The following NLRP14 variants were observed in gnomAD, a reference collection of about 807,000 sequenced individuals.
NLRP14 encodes the protein NLR family pyrin domain containing 14, also known as NACHT, LRR and PYD domains-containing protein 14.
Under a neutral mutation model 94.7 loss-of-function variants are expected in NLRP14, and 105 were observed. The ratio of observed to expected loss-of-function variants is 1.11; its 90% confidence interval spans 0.95 to 1.30. The LOEUF is 1.30. NLRP14 is among the 50% of genes most tolerant of loss of function. The pLI is 0.00. For synonymous variants in NLRP14, 508 were observed against 459.9 expected (o/e 1.10, Z -1.34); for missense variants, 1,362 against 1,254.1 (o/e 1.09, Z -1.30).
At chr11:7,090,030 G>A in the NLRP14 span, 1 of 1,613,060 alleles carries the variant, frequency 6.2e-7, no homozygotes, top group Non-Finnish European at 8.5e-7. Flanking sequence ...ATCTTACGGA[G>A]GAGGAGGCCG....
chr11:7,079,855 C>T, the NLRP14 span, among the ~76,000 whole-genome samples: 1 of 152,186 alleles, frequency 6.6e-6, no homozygotes, highest in African/African-American at 2.4e-5. Context: ...ACAATCTAAG[C>T]TGAACCCGAT....
chr11:7,046,953 A>G, intron 5 of NLRP14, 121 bp downstream of exon 5: 2 of 799,302 alleles, frequency 2.5e-6, no homozygotes, highest in South Asian at 2.8e-5. Context: ...ATTTTGTAAA[A>G]TAAACAGGAA....
chr11:7,086,310 A>G, the NLRP14 span, among the ~76,000 whole-genome samples: 5 of 152,274 alleles, frequency 3.3e-5, no homozygotes, highest in Non-Finnish European at 7.4e-5. Context: ...TCCGAGATTG[A>G]GCTAGTAATT....
chr11:7,071,753 G>T (rs902737), downstream of NLRP14, among the ~76,000 whole-genome samples: 4 of 149,922 alleles, frequency 2.7e-5, no homozygotes, highest in African/African-American at 9.8e-5. Flanking sequence ...TTGGGTATCC[G>T]TCTTAAAATG....
At chr11:7,030,824 C>T (rs374987802) in intron 1 of NLRP14, among the ~76,000 whole-genome samples, 1 of 152,168 alleles carries the variant, frequency 6.6e-6, no homozygotes, top group Non-Finnish European at 1.5e-5. Flanking sequence ...TTCAATTCCC[C>T]GACTTCCTCT....
At chr11:7,089,402 G>A in the NLRP14 span, 2 of 1,589,558 alleles carry the variant, frequency 1.3e-6, no homozygotes, top group Non-Finnish European at 1.7e-6. Context: ...GCAGCCGGCG[G>A]GGCCCGCCGC....
intron 10 of NLRP14, among the ~76,000 whole-genome samples, 160 bp from the exon 11 acceptor site, chr11:7,070,126 A>T (rs10769762): frequency 3.9e-5 from 6 of 152,092 alleles, no homozygotes; most frequent in African/African-American, 1.4e-4. Flanking sequence ...TCTGGTAATA[A>T]TGAATATTAT....
chr11:7,089,510 C>T, the NLRP14 span: 8 of 1,225,122 alleles, frequency 6.5e-6, no homozygotes, highest in Non-Finnish European at 7.1e-6. Flanking sequence ...CCGATGATGA[C>T]GGCGGCTACA....
At position 7,035,235 on chromosome 11, in the gene NLRP14, C is replaced by T. The variant is rs192210872; in HGVS notation, c.-21-3331C>T. On this transcript the variant is annotated intron_variant, in intron 1 of 11. Transcript: ENST00000299481. ...ACTTGGGTGGCTAAGCCATGAGAAT[C>T]GCTTGAACCCAGGAGGGAAGGCAGA... Among the ~76,000 whole-genome samples, 34 of 152,264 alleles carry T rather than the reference C, an allele frequency of 2.2e-4. No individual in the cohort carries two copies. In the East Asian group the frequency reaches 3.1e-3, roughly 14 times the overall value.
Position 7,042,497 on chromosome 11 carries a change from A to G in NLRP14, c.471A>G (p.Lys157=). 1 of 1,614,180 alleles carries G rather than the reference A, an allele frequency of 6.2e-7. No individual in the cohort carries two copies. Among genetic ancestry groups the G allele is most frequent in the South Asian group, 1.1e-5 (1 of 91,086 alleles). ...PEDFHHGIAE[K]DRKLLEHLFD... is the part of the protein sequence containing the mutation. ...ATTTCCATCATGGAATTGCAGAGAA[A>G]GATAGAAAACTGTTGGAACACTTGT... Residue 157 remains lysine, a synonymous_variant, in exon 4 of 12, where the codon AAA becomes AAG. Coordinates refer to ENST00000299481, the MANE Select transcript of NLRP14 (RefSeq NM_176822.4).
chr11:7,072,232 G>T (rs1282916686), downstream of NLRP14, among the ~76,000 whole-genome samples: 1 of 152,226 alleles, frequency 6.6e-6, no homozygotes, highest in Non-Finnish European at 1.5e-5. Context: ...GTATTCACCT[G>T]GCAGCCAGAT....
At chr11:7,041,410 A>G (rs1377996583) in intron 3 of NLRP14, among the ~76,000 whole-genome samples, 1 of 152,198 alleles carries the variant, frequency 6.6e-6, no homozygotes, top group Non-Finnish European at 1.5e-5. Flanking sequence ...GTTTTCAGAT[A>G]CATAAAGTTT....
intron 9 of NLRP14, among the ~76,000 whole-genome samples, chr11:7,061,015 G>C (rs1268155883): frequency 1.3e-5 from 2 of 151,850 alleles, no homozygotes; most frequent in South Asian, 2.1e-4. Flanking sequence ...TTTCCTACCA[G>C]GGCCTCCCAA....
chr11:7,090,597 G>A, the NLRP14 span: 2 of 430,840 alleles, frequency 4.6e-6, no homozygotes, highest in African/African-American at 4.0e-5. Context: ...TTCTTCCCTT[G>A]TAAATTTTCT....
Position 7,062,481 on chromosome 11 carries a change from A to G in NLRP14, c.2953A>G (p.Asn985Asp). 6.2e-7 allele frequency: 1 copy of G among 1,613,110 alleles called. No individual in the cohort carries two copies. Among genetic ancestry groups the G allele is most frequent in the Non-Finnish European group, 8.5e-7 (1 of 1,179,308 alleles). The change falls in exon 10 of 12, where the codon AAC becomes GAC. Residue 985 changes from asparagine to aspartate, a missense_variant. Physicochemically the swap from Asn to Asp is conservative, Grantham distance 23. Coordinates refer to ENST00000299481, the MANE Select transcript of NLRP14 (RefSeq NM_176822.4). ...KILCDALRYP[N>D]CNIQRLGLEY... ...TCTGTGTGATGCTTTGAGATATCCA[A>G]ACTGTAACATTCAGAGGCTCGGGTG...
chr11:7,047,474 T>C (rs1272346891), intron 5 of NLRP14, among the ~76,000 whole-genome samples: 1 of 151,864 alleles, frequency 6.6e-6, no homozygotes, highest in Non-Finnish European at 1.5e-5. Context: ...AGGCTATTTT[T>C]TTTTAATTTT....
At chr11:7,090,353 A>C in the NLRP14 span, 1 of 1,531,322 alleles carries the variant, frequency 6.5e-7, no homozygotes, top group East Asian at 2.4e-5. Context: ...AACAAAAAGA[A>C]GAACCTGTTG....
chr11:7,058,904 T>G (rs190689455), intron 8 of NLRP14, among the ~76,000 whole-genome samples: 1 of 152,108 alleles, frequency 6.6e-6, no homozygotes, highest in African/African-American at 2.4e-5. Context: ...TTCTAAACAT[T>G]GAATTAATAA....
At chr11:7,035,902 AG>A (rs1360455401) in intron 1 of NLRP14, among the ~76,000 whole-genome samples, 1 of 152,230 alleles carries the variant, frequency 6.6e-6, no homozygotes, top group Non-Finnish European at 1.5e-5. Context: ...TGAAATTAAA[AG>A]GCAATGCTAT....
Sources: gnomAD v4.1 joint callset for allele counts (sites outside exome capture counted in the v4.1 genomes callset) on GRCh38, gnomAD v4.1.1 for gene constraint, MANE v1.5 for transcripts, NCBI Gene and HGNC (gene_info 2026-07-23, HGNC 2026-07-21) for gene names.